PCDHGB2: variants seen among roughly 807,000 people sequenced by gnomAD.
PCDHGB2 encodes the protein protocadherin gamma-B2.
In PCDHGB2, 55 loss-of-function variants were observed where a neutral mutation model predicts 59.3. That is an observed-to-expected ratio of 0.93 (90% CI 0.75 to 1.16). The LOEUF (loss-of-function observed/expected upper bound fraction) is 1.16, where lower values mean the gene tolerates loss of function less well. Among genes scored for constraint, PCDHGB2 ranks in the 50% most tolerant of loss-of-function variants. The probability of loss-of-function intolerance (pLI) is 0.00; values close to 1 mark genes in which losing one functional copy is unlikely to be tolerated. For synonymous variants in PCDHGB2, 516 were observed against 512.0 expected (o/e 1.01, Z -0.11); for missense variants, 1,228 against 1,198.5 (o/e 1.02, Z -0.36).
intron 1 of PCDHGB2, chr5:141,423,914 A>G (rs2096790099): frequency 3.0e-5 from 38 of 1,268,116 alleles, no homozygotes; most frequent in Non-Finnish European, 3.0e-6. Flanking sequence ...GGGGCCATTC[A>G]ACTATGCTGG....
rs1352888384 is a variant in PCDHGB2, at chr5:141,361,130, G to C, written c.995G>C (p.Ser332Thr). The change falls in exon 1 of 4, where the codon AGT becomes ACT. Residue 332 changes from serine (S) to threonine (T), a missense_variant. Ser to Thr is a moderately conservative substitution (Grantham distance 58). Transcript: ENST00000522605. ...KDPGDLAAHC[S>T]IQVEILDDND... ...CCTGGAGATCTAGCAGCCCACTGCA[G>C]TATCCAAGTTGAAATTCTTGATGAC... 1 of 1,613,886 alleles carries C rather than the reference G, an allele frequency of 6.2e-7. No homozygotes were observed. The highest frequency in any genetic ancestry group is 1.3e-5 in the African/African-American group (1 of 74,934).
intron 1 of PCDHGB2, among the ~76,000 whole-genome samples, chr5:141,456,702 C>A (rs1185842343): frequency 6.6e-6 from 1 of 152,062 alleles, no homozygotes; most frequent in African/African-American, 2.4e-5. Flanking sequence ...TGGTGGCTCG[C>A]GCCTGTAATC....
rs771408685 is a variant in PCDHGB2, at chr5:141,486,166, G to T, written c.2422-8641G>T. ...GCGATGGGGGTTCTCCAGCCATGGA[G>T]CAACATTGCAGCCTTCGAGTGGATC... is the stretch of plus-strand genomic sequence containing the variant. On this transcript the variant is annotated intron_variant, in intron 1 of 3. Transcript: ENST00000522605. The surrounding 1 kb of genome is among the most constrained non-coding windows in gnomAD (Gnocchi z 5.0). 1.9e-6 allele frequency: 3 copies of T among 1,614,106 alleles called. No homozygotes were observed. Among genetic ancestry groups the T allele is most frequent in the Non-Finnish European group, 2.5e-6 (3 of 1,180,048 alleles).
chr5:141,406,481 T>C (rs2094814987), intron 1 of PCDHGB2, among the ~76,000 whole-genome samples: 2 of 152,242 alleles, frequency 1.3e-5, no homozygotes, highest in Admixed American at 6.5e-5. Flanking sequence ...GGTTATATTT[T>C]TCAGATCACA....
At chr5:141,427,946 T>A (rs769401863) in intron 1 of PCDHGB2, 1 of 1,586,550 alleles carries the variant, frequency 6.3e-7, no homozygotes, top group Middle Eastern at 1.7e-4. Flanking sequence ...GCGACCTCAA[T>A]GACAATGTGC....
rs769232324 is a variant in PCDHGB2, at chr5:141,423,034, G to T, written c.2421+60478G>T. 4 of 1,614,082 alleles carry T rather than the reference G, an allele frequency of 2.5e-6. No individual in the cohort carries two copies. In the African/African-American group the frequency reaches 4.0e-5, roughly 16 times the overall value. On this transcript the variant is annotated intron_variant, in intron 1 of 3. Coordinates refer to ENST00000522605, the MANE Select transcript of PCDHGB2 (RefSeq NM_018923.3). ...GGTGGACAAAGATTCAGGCCAGAAC[G>T]CCTGGCTGTCCTATCGCCTGCTTAA...
intron 1 of PCDHGB2, chr5:141,404,626 T>C (rs1443011566): frequency 1.2e-6 from 2 of 1,614,164 alleles, no homozygotes; most frequent in Admixed American, 3.3e-5. Flanking sequence ...AGAATGACAA[T>C]GCCCCAGAAA....
At chr5:141,415,749 T>TG in intron 1 of PCDHGB2, 2 of 1,214,000 alleles carry the variant, frequency 1.6e-6, no homozygotes, top group Non-Finnish European at 1.1e-6. Context: ...GGTTTTTTTT[T>TG]TTTTTTTTTT....
intron 2 of PCDHGB2, among the ~76,000 whole-genome samples, chr5:141,500,893 A>G (rs1393294152): frequency 1.1e-5 from 1 of 94,848 alleles, no homozygotes; most frequent in Non-Finnish European, 2.0e-5. Context: ...TTTTTTTGAG[A>G]CAGTCTCGCT....
Position 141,483,506 on chromosome 5 carries a change from T to A in PCDHGB2, c.2422-11301T>A, listed in dbSNP as rs964063329. ...AGGGACAGGGATGAGTCAAGGCTGA[T>A]CCCCCTAGATCCTGACTAAGGAAGC... On this transcript the variant is annotated intron_variant, in intron 1 of 3. Coordinates refer to ENST00000522605, the MANE Select transcript of PCDHGB2 (RefSeq NM_018923.3). Among the ~76,000 whole-genome samples the A allele has an allele frequency of 2.7e-5, 4 of 148,396 alleles. No individual in the cohort carries two copies. In the South Asian group the frequency reaches 8.5e-4, roughly 32 times the overall value.
chr5:141,409,149 C>T (rs1248646625), intron 1 of PCDHGB2: 1 of 1,613,948 alleles, frequency 6.2e-7, no homozygotes, highest in Non-Finnish European at 8.5e-7. Context: ...GAAAGGTACA[C>T]CATGGAAGTG....
At chr5:141,449,818 A>G (rs1446661913) in intron 1 of PCDHGB2, among the ~76,000 whole-genome samples, 2 of 151,708 alleles carry the variant, frequency 1.3e-5, no homozygotes, top group Non-Finnish European at 2.9e-5. Flanking sequence ...GTATTTCCTA[A>G]CAAGGACATT....
chr5:141,455,406 C>A (rs991797932), intron 1 of PCDHGB2, among the ~76,000 whole-genome samples: 1 of 152,108 alleles, frequency 6.6e-6, no homozygotes, highest in Non-Finnish European at 1.5e-5. Flanking sequence ...CTTACAGAGA[C>A]AGAGGGAGCG....
chr5:141,481,780 C>T (rs781334437), intron 1 of PCDHGB2, among the ~76,000 whole-genome samples: 3 of 152,016 alleles, frequency 2.0e-5, no homozygotes, highest in African/African-American at 7.2e-5. Flanking sequence ...GGTGAAACCC[C>T]GTCTCTACTA....
chr5:141,422,349 T>C (rs768693451), intron 1 of PCDHGB2: 95 of 1,554,604 alleles, frequency 6.1e-5, no homozygotes, highest in Non-Finnish European at 8.2e-5. Flanking sequence ...ATGTGCAAGA[T>C]CAAGATTCTG....
At chr5:141,418,449 A>C in intron 1 of PCDHGB2, 1 of 1,614,040 alleles carries the variant, frequency 6.2e-7, no homozygotes, top group Non-Finnish European at 8.5e-7. Context: ...TTAGTATTGC[A>C]GAAGACTCTG....
At chr5:141,422,777 C>T in intron 1 of PCDHGB2, 1 of 1,613,982 alleles carries the variant, frequency 6.2e-7, no homozygotes, top group Non-Finnish European at 8.5e-7. Context: ...GTTCTCTATG[C>T]CCTACAATCC....
chr5:141,418,123 C>A (rs1049456676), intron 1 of PCDHGB2: 8 of 1,613,914 alleles, frequency 5.0e-6, no homozygotes, highest in Admixed American at 3.3e-5. Flanking sequence ...TTGTGAAGGA[C>A]CGAATAGACC....
intron 1 of PCDHGB2, chr5:141,478,768 A>G: frequency 6.7e-7 from 1 of 1,501,046 alleles, no homozygotes; most frequent in African/African-American, 1.4e-5. Context: ...TACTTGACTC[A>G]TCTGTGGACC....
Sources: allele counts gnomAD v4.1 joint callset (sites outside exome capture counted in the v4.1 genomes callset), GRCh38; gene constraint gnomAD v4.1.1; non-coding constraint Gnocchi (gnomAD v3.1); transcripts MANE v1.5; gene names NCBI Gene and HGNC (gene_info 2026-07-23, HGNC 2026-07-21).